The following PHF24 variants were observed in gnomAD, a reference collection of about 807,000 sequenced individuals.
PHF24 encodes the protein PHD finger protein 24.
PHF24 carries 25 observed loss-of-function variants against 42.6 expected under a neutral mutation model. That is an observed-to-expected ratio of 0.59 (90% CI 0.43 to 0.82). The LOEUF is 0.82. PHF24 is among the 40% of genes least tolerant of loss of function. The pLI, the probability that PHF24 is intolerant of heterozygous loss-of-function variation, is 0.00. For synonymous variants in PHF24, 185 were observed against 204.8 expected (o/e 0.90, Z 0.83); for missense variants, 470 against 538.1 (o/e 0.87, Z 1.25).
the PHF24 span, among the ~76,000 whole-genome samples, chr9:34,885,297 C>G: frequency 6.6e-6 from 1 of 152,208 alleles, no homozygotes; most frequent in African/African-American, 2.4e-5. Context: ...TTCTTCCTAT[C>G]TGGGCTTTCT....
At chr9:34,817,349 A>G in the PHF24 span, among the ~76,000 whole-genome samples, 3 of 152,120 alleles carry the variant, frequency 2.0e-5, no homozygotes, top group African/African-American at 7.2e-5. Context: ...GGGTCAAGCC[A>G]TCTTCCTGTC....
chr9:34,897,913 G>C, the PHF24 span, among the ~76,000 whole-genome samples: 3 of 152,166 alleles, frequency 2.0e-5, no homozygotes, highest in East Asian at 1.9e-4. Context: ...GTATCAGTGA[G>C]AACATATGAT....
chr9:34,943,250 T>C, the PHF24 span, among the ~76,000 whole-genome samples: 1 of 152,258 alleles, frequency 6.6e-6, no homozygotes, highest in Non-Finnish European at 1.5e-5. Context: ...GTTTGTTTAC[T>C]CTCTTGGCTG....
At chr9:34,719,071 A>C in the PHF24 span, among the ~76,000 whole-genome samples, 4 of 152,160 alleles carry the variant, frequency 2.6e-5, no homozygotes, top group African/African-American at 9.7e-5. Context: ...TGCCTCTGTC[A>C]CCCAGGCTGG....
chr9:34,804,485 A>G, the PHF24 span, among the ~76,000 whole-genome samples: 1 of 152,224 alleles, frequency 6.6e-6, no homozygotes, highest in Non-Finnish European at 1.5e-5. Context: ...GGCAATATAA[A>G]TGGTAACTAC....
chr9:34,907,457 C>T, the PHF24 span, among the ~76,000 whole-genome samples: 4,218 of 152,208 alleles, frequency 0.028, 199 homozygotes, highest in African/African-American at 0.096. Flanking sequence ...TGCTTTTTGT[C>T]GGTTGATTTT....
chr9:34,844,664 G>A, the PHF24 span, among the ~76,000 whole-genome samples: 1 of 152,054 alleles, frequency 6.6e-6, no homozygotes, highest in Non-Finnish European at 1.5e-5. Flanking sequence ...CATTATTTCA[G>A]TCTTCTTAAA....
chr9:34,767,316 A>G, the PHF24 span, among the ~76,000 whole-genome samples: 20,479 of 152,290 alleles, frequency 0.13, 1,494 homozygotes, highest in Middle Eastern at 0.26. Flanking sequence ...GGTGGAGCCC[A>G]CAGAGGCATG....
chr9:34,932,527 T>A, the PHF24 span, among the ~76,000 whole-genome samples: 2 of 152,180 alleles, frequency 1.3e-5, no homozygotes, highest in Non-Finnish European at 2.9e-5. Context: ...ATGGACTAGG[T>A]ACCTGGCACA....
chr9:34,879,242 C>T, the PHF24 span, among the ~76,000 whole-genome samples: 5 of 151,754 alleles, frequency 3.3e-5, no homozygotes, highest in South Asian at 4.2e-4. Context: ...AAGATAAAAC[C>T]ACAAAGATGG....
At chr9:34,894,027 CAG>C in the PHF24 span, among the ~76,000 whole-genome samples, 1 of 152,256 alleles carries the variant, frequency 6.6e-6, no homozygotes, top group African/African-American at 2.4e-5. Flanking sequence ...TCCCTAATGA[CAG>C]AGCCAGAGGA....
the PHF24 span, among the ~76,000 whole-genome samples, chr9:34,880,392 A>T: frequency 6.6e-6 from 1 of 152,244 alleles, no homozygotes; most frequent in Admixed American, 6.5e-5. Context: ...AAATGCTCCA[A>T]TTAAAAGACA....
At chr9:34,816,732 T>G in the PHF24 span, among the ~76,000 whole-genome samples, 2 of 152,360 alleles carry the variant, frequency 1.3e-5, no homozygotes, top group Admixed American at 6.5e-5. Context: ...TAATGGATTT[T>G]GGAGAGACAC....
chr9:34,873,854 A>G, the PHF24 span, among the ~76,000 whole-genome samples: 1 of 151,770 alleles, frequency 6.6e-6, no homozygotes, highest in Non-Finnish European at 1.5e-5. Flanking sequence ...ATGTTCTTCC[A>G]TTTGTTTGTA....
the PHF24 span, among the ~76,000 whole-genome samples, chr9:34,780,867 A>G: frequency 6.6e-6 from 1 of 152,368 alleles, no homozygotes; most frequent in African/African-American, 2.4e-5. Flanking sequence ...GCTCAACATC[A>G]TCATTAGTCA....
chr9:34,681,741 T>C, the PHF24 span, among the ~76,000 whole-genome samples: 1 of 152,306 alleles, frequency 6.6e-6, no homozygotes, highest in African/African-American at 2.4e-5. Context: ...AACCCAGGAG[T>C]TGGAGATTGC....
At chr9:34,767,554 G>A in the PHF24 span, among the ~76,000 whole-genome samples, 3 of 152,236 alleles carry the variant, frequency 2.0e-5, no homozygotes, top group East Asian at 1.9e-4. Context: ...TAAGCCCGTC[G>A]GAAAGGCGCA....
the PHF24 span, among the ~76,000 whole-genome samples, chr9:34,758,825 G>A: frequency 6.6e-6 from 1 of 152,106 alleles, no homozygotes; most frequent in Non-Finnish European, 1.5e-5. This position sits in a 1 kb window ranked among gnomAD's most constrained non-coding sequence, Gnocchi z 4.4. Context: ...CTGTAGTAAG[G>A]ACTGTGGGTG....
chr9:34,807,525 C>G, the PHF24 span, among the ~76,000 whole-genome samples: 99 of 152,282 alleles, frequency 6.5e-4, no homozygotes, highest in South Asian at 0.019. Context: ...GTATATTTAA[C>G]AATCCAGAAA....
Sources: allele counts gnomAD v4.1 joint callset (sites outside exome capture counted in the v4.1 genomes callset), GRCh38; gene constraint gnomAD v4.1.1; non-coding constraint Gnocchi (gnomAD v3.1); transcripts MANE v1.5; gene names NCBI Gene and HGNC (gene_info 2026-07-23, HGNC 2026-07-21).